The following KIZ variants were observed in gnomAD, a reference collection of about 807,000 sequenced individuals.
The protein encoded by KIZ is kizuna centrosomal protein, also known as centrosomal protein kizuna.
In KIZ, 68 loss-of-function variants were observed where a neutral mutation model predicts 79.6. The observed-to-expected ratio is 0.85, with a 90% CI of 0.70 to 1.05. The LOEUF (loss-of-function observed/expected upper bound fraction) is 1.05, where lower values mean the gene tolerates loss of function less well. Among genes scored for constraint, KIZ ranks in the 50% least tolerant of loss-of-function variants. KIZ has a pLI of 0.00. For synonymous variants in KIZ, 280 were observed against 281.8 expected (o/e 0.99, Z 0.06); for missense variants, 797 against 800.4 (o/e 1.00, Z 0.05).
In KIZ at chr20:21,134,692, G is replaced by A. The variant is rs559742486; in HGVS notation, c.153-1698G>A. ...TTTTTTTTTTTTTTCCCCAAGACAG[G>A]GTCTTGCTCTGTTGCCTAGGCTGGA... On this transcript the variant is annotated intron_variant, in intron 2 of 12. Coordinates refer to ENST00000619189, the MANE Select transcript of KIZ (RefSeq NM_018474.6). Among the ~76,000 whole-genome samples the A allele has an allele frequency of 5.4e-5, 8 of 147,306 alleles. No homozygotes were observed. In the South Asian group the frequency reaches 1.5e-3, roughly 28 times the overall value.
At chr20:21,209,579 A>T (rs1375633975) in intron 7 of KIZ, among the ~76,000 whole-genome samples, 4 of 60,062 alleles carry the variant, frequency 6.7e-5, no homozygotes, top group Non-Finnish European at 9.8e-5. Flanking sequence ...CTTCTCATTT[A>T]AAAAAAAAAT....
At position 21,163,108 on chromosome 20, in the gene KIZ, T is replaced by C. The variant is rs201771906; in HGVS notation, c.1301T>C (p.Leu434Pro). The C allele has an allele frequency of 1.1e-5, 18 of 1,613,468 alleles. No individual in the cohort carries two copies. The highest frequency in any genetic ancestry group is 1.1e-5 in the South Asian group (1 of 91,020). ...STEKNCILQTLSSPDSEKESS... is the reference protein window; with the variant it reads ...STEKNCILQTPSSPDSEKESS... The stretch of plus-strand genomic sequence containing the variant: ...GAAAAAAATTGTATTTTGCAAACCC[T>C]AAGCTCTCCTGATTCAGAAAAGGAA... Residue 434 changes from leucine to proline, a missense_variant, in exon 6 of 13, where the codon CTA becomes CCA. Transcript: ENST00000619189.
chr20:21,159,524 C>G (rs1230694732), intron 4 of KIZ, among the ~76,000 whole-genome samples: 3 of 152,102 alleles, frequency 2.0e-5, no homozygotes, highest in Admixed American at 6.6e-5. Context: ...CCCACCCCAG[C>G]CCTTCGGTCC....
intron 6 of KIZ, among the ~76,000 whole-genome samples, chr20:21,169,689 G>GT (rs1487625213): frequency 6.6e-6 from 1 of 152,090 alleles, no homozygotes; most frequent in Non-Finnish European, 1.5e-5. Flanking sequence ...CAAAAAAATA[G>GT]TTTCTCTACT....
chr20:21,209,459 C>G (rs536177750), intron 7 of KIZ, among the ~76,000 whole-genome samples: 1 of 152,280 alleles, frequency 6.6e-6, no homozygotes, highest in Non-Finnish European at 1.5e-5. Flanking sequence ...GTCCTGCCCC[C>G]ACCATACACA....
chr20:21,162,245 T>G lies in KIZ; in HGVS notation c.780T>G (p.His260Gln), dbSNP rs905021727. The change falls in exon 5 of 13, where the codon CAT (histidine) becomes CAG (glutamine). Residue 260 changes from histidine to glutamine, a missense_variant. Transcript: ENST00000619189. ...HCLEIGSNTR[H>Q]GKSNLSEGKK... ...TGGAGATAGGAAGTAACACACGTCA[T>G]GGCAAGAGTAATTTATCTGAAGGCA... is the stretch of plus-strand genomic sequence containing the variant. The G allele has an allele frequency of 7.4e-6, 12 of 1,613,910 alleles. No homozygotes were observed. The highest frequency in any genetic ancestry group is 1.3e-5 in the African/African-American group (1 of 74,936).
At chr20:21,240,410 C>T (rs1258360899) in intron 11 of KIZ, among the ~76,000 whole-genome samples, 1 of 152,240 alleles carries the variant, frequency 6.6e-6, no homozygotes, top group African/African-American at 2.4e-5. Context: ...GCCACCACAC[C>T]CAGCCGATTG....
At chr20:21,173,247 G>A (rs990297821) in intron 6 of KIZ, among the ~76,000 whole-genome samples, 2 of 152,148 alleles carry the variant, frequency 1.3e-5, no homozygotes, top group African/African-American at 4.8e-5. Flanking sequence ...AGGGTGGTAA[G>A]AAGTGGTCAG....
At chr20:21,143,417 C>T (rs769544514) in intron 3 of KIZ, among the ~76,000 whole-genome samples, 22 of 152,296 alleles carry the variant, frequency 1.4e-4, no homozygotes, top group Non-Finnish European at 3.1e-4. Context: ...AGTGAGAATG[C>T]AGAAAGTATC....
At chr20:21,212,045 C>T (rs867608196) in intron 7 of KIZ, among the ~76,000 whole-genome samples, 27 of 152,284 alleles carry the variant, frequency 1.8e-4, no homozygotes, top group Non-Finnish European at 1.2e-4. Context: ...GCCAAGATCC[C>T]GCCACTGCAC....
intron 9 of KIZ, among the ~76,000 whole-genome samples, chr20:21,216,843 C>T (rs1209938534): frequency 1.3e-5 from 2 of 152,196 alleles, no homozygotes; most frequent in East Asian, 3.8e-4. Context: ...CTTGTTCATT[C>T]ATTCTTCTCT....
intron 11 of KIZ, among the ~76,000 whole-genome samples, chr20:21,241,952 T>C (rs1391513998): frequency 6.6e-6 from 1 of 152,176 alleles, no homozygotes; most frequent in Non-Finnish European, 1.5e-5. Context: ...CAATATTGAA[T>C]AGAAATATGT....
chr20:21,185,571 G>A (rs764934849), intron 6 of KIZ, among the ~76,000 whole-genome samples: 79 of 147,598 alleles, frequency 5.4e-4, no homozygotes, highest in Non-Finnish European at 9.0e-4. Context: ...CACCACACCC[G>A]GCTAATTTTT....
At chr20:21,186,157 A>G (rs989261393) in intron 6 of KIZ, among the ~76,000 whole-genome samples, 3 of 152,162 alleles carry the variant, frequency 2.0e-5, no homozygotes, top group Non-Finnish European at 4.4e-5. Flanking sequence ...TATGTGATAA[A>G]TGGAATATAT....
chr20:21,185,087 C>T lies in KIZ; in HGVS notation c.1353-20404C>T, dbSNP rs190733497. Reference sequence around the variant, plus strand: ...TTGTGTGTGTGTGTGTCTGTGTGTACGTGTGTGTATGCACGTGCACGTGCT... The same window carrying T: ...TTGTGTGTGTGTGTGTCTGTGTGTATGTGTGTGTATGCACGTGCACGTGCT... On this transcript the variant is annotated intron_variant, in intron 6 of 12. Coordinates refer to ENST00000619189, the MANE Select transcript of KIZ (RefSeq NM_018474.6). Among the ~76,000 whole-genome samples, 58 of 148,390 alleles carry T rather than the reference C, an allele frequency of 3.9e-4. No homozygotes were observed. In the East Asian group the frequency reaches 9.5e-3, roughly 24 times the overall value.
chr20:21,164,234 A>G (rs1042138732), intron 6 of KIZ, among the ~76,000 whole-genome samples: 3 of 152,222 alleles, frequency 2.0e-5, no homozygotes, highest in Non-Finnish European at 4.4e-5. Context: ...GCCTCTTACC[A>G]TTCATTGTCT....
intron 6 of KIZ, chr20:21,198,868 C>G (rs1168366007): frequency 6.6e-6 from 1 of 152,560 alleles, no homozygotes; most frequent in African/African-American, 2.4e-5. Flanking sequence ...GAATAAAAAC[C>G]ACGGTCTTAA....
intron 11 of KIZ, among the ~76,000 whole-genome samples, chr20:21,238,335 G>GTGAA (rs2037096384): frequency 3.3e-5 from 3 of 90,880 alleles, no homozygotes; most frequent in Non-Finnish European, 8.1e-5. Context: ...ATAAGGGTGT[G>GTGAA]AGAGAGAGAG....
At chr20:21,242,366 G>A (rs1477921898) in intron 11 of KIZ, among the ~76,000 whole-genome samples, 1 of 152,148 alleles carries the variant, frequency 6.6e-6, no homozygotes, top group South Asian at 2.1e-4. Flanking sequence ...GAAGTGGAGC[G>A]ACCAGATTTG....
Sources: allele counts gnomAD v4.1 joint callset (sites outside exome capture counted in the v4.1 genomes callset), GRCh38; gene constraint gnomAD v4.1.1; transcripts MANE v1.5; gene names NCBI Gene and HGNC (gene_info 2026-07-23, HGNC 2026-07-21).